The following PTPRG variants were observed in gnomAD, a reference collection of about 807,000 sequenced individuals.
PTPRG encodes receptor-type tyrosine-protein phosphatase gamma.
In PTPRG, 102 loss-of-function variants were observed where a neutral mutation model predicts 165.3. The observed-to-expected ratio is 0.62, with a 90% confidence interval of 0.53 to 0.73. The LOEUF (loss-of-function observed/expected upper bound fraction) is 0.73. Among genes scored for constraint, PTPRG ranks in the 30% least tolerant of loss-of-function variants. PTPRG has a pLI of 0.00. For missense variants in PTPRG, 1,866 were observed against 1,861.4 expected (o/e 1.00, Z -0.05); for synonymous variants, 675 against 669.5 (o/e 1.01, Z -0.13).
At chr3:61,818,093 A>AC (rs1245712022) in intron 2 of PTPRG, among the ~76,000 whole-genome samples, 1 of 152,030 alleles carries the variant, frequency 6.6e-6, no homozygotes, top group Non-Finnish European at 1.5e-5. Flanking sequence ...GCTCCACCAT[A>AC]CCCCCCACCC....
At chr3:62,134,125 A>G (rs916284564) in intron 6 of PTPRG, among the ~76,000 whole-genome samples, 1 of 152,160 alleles carries the variant, frequency 6.6e-6, no homozygotes, top group African/African-American at 2.4e-5. Context: ...CAACATAGGA[A>G]TTTGCTTAGG....
Position 62,269,173 on chromosome 3 carries a change from T to G in PTPRG, c.3009+4T>G. On this transcript the variant is annotated splice_donor_region_variant and intron_variant, in intron 20 of 29. Transcript: ENST00000474889. ...CAGAAATACAAAAGTGAAAAAGGTA[T>G]GGAAGGAATTGGGTAGGCTGCCAGG... The G allele has an allele frequency of 1.3e-6, 2 of 1,572,328 alleles. No individual in the cohort carries two copies. Among genetic ancestry groups the G allele is most frequent in the Non-Finnish European group, 1.7e-6 (2 of 1,149,738 alleles).
chr3:62,277,189 G>C (rs767626254), intron 25 of PTPRG, 141 bp downstream of exon 25: 142 of 711,432 alleles, frequency 2.0e-4, no homozygotes, highest in Middle Eastern at 3.2e-4. Flanking sequence ...TCTGTATCTT[G>C]AAACTTTTAA....
At chr3:61,892,952 C>T (rs998980158) in intron 2 of PTPRG, among the ~76,000 whole-genome samples, 1 of 152,064 alleles carries the variant, frequency 6.6e-6, no homozygotes, top group Non-Finnish European at 1.5e-5. Flanking sequence ...TGGTTAATAA[C>T]TAAAGAGTAG....
At chr3:62,250,855 G>A (rs1438434296) in intron 15 of PTPRG, among the ~76,000 whole-genome samples, 4 of 152,064 alleles carry the variant, frequency 2.6e-5, no homozygotes, top group Non-Finnish European at 5.9e-5. Flanking sequence ...TACATAAGAA[G>A]GTTTTGTTGT....
At chr3:62,007,413 C>T (rs2041323734) in intron 4 of PTPRG, among the ~76,000 whole-genome samples, 1 of 152,198 alleles carries the variant, frequency 6.6e-6, no homozygotes, top group Non-Finnish European at 1.5e-5. Flanking sequence ...TCTTCAATAA[C>T]CAGTGTTCTT....
intron 2 of PTPRG, among the ~76,000 whole-genome samples, chr3:61,939,488 A>G (rs973806932): frequency 6.6e-6 from 1 of 152,242 alleles, no homozygotes; most frequent in Non-Finnish European, 1.5e-5. Flanking sequence ...CCAGGCAAAT[A>G]CACAGAAACT....
intron 1 of PTPRG, among the ~76,000 whole-genome samples, chr3:61,663,172 A>C (rs1224235530): frequency 1.3e-5 from 2 of 152,182 alleles, no homozygotes; most frequent in Non-Finnish European, 2.9e-5. Context: ...TAAATAAAAA[A>C]TAAAATTAAA....
In PTPRG at chr3:62,203,569, G is replaced by C; in HGVS notation, c.1774G>C (p.Glu592Gln). Residue 592 changes from glutamate (E) to glutamine (Q), a missense_variant, in exon 12 of 30, where the codon GAG (glutamate) becomes CAG (glutamine). Coordinates refer to ENST00000474889, the MANE Select transcript of PTPRG (RefSeq NM_002841.4). The surrounding 1 kb of genome is among the most constrained non-coding windows in gnomAD (Gnocchi z 6.4). The part of the protein sequence containing the change: ...KDEKSESEDG[E>Q]REHEEDGEKD... ...TGAGAAAAGCGAGAGTGAGGATGGG[G>C]AGCGGGAGCACGAGGAGGATGGAGA... 1.3e-6 allele frequency: 2 copies of C among 1,552,774 alleles called. No individual in the cohort carries two copies. The highest frequency in any genetic ancestry group is 4.9e-5 in the East Asian group (2 of 40,964).
rs1194070424 is a variant in PTPRG, at chr3:62,203,807, T to G, written c.2012T>G (p.Val671Gly). The stretch of plus-strand genomic sequence containing the variant: ...GGCCCAGGCCTGGACCCCGACATGG[T>G]CACCTCCACCCAAGTGCCCCCCACC... ...DAGPGLDPDMVTSTQVPPTAT... is the reference protein window; with the variant it reads ...DAGPGLDPDMGTSTQVPPTAT... Residue 671 changes from valine to glycine, a missense_variant, in exon 12 of 30, where the codon GTC (valine) becomes GGC (glycine). Around this residue, in one of 3 missense-constraint regions of PTPRG, gnomAD observed 1,452 missense variants for 1,463.0 expected, o/e 0.99. Coordinates refer to ENST00000474889, the MANE Select transcript of PTPRG (RefSeq NM_002841.4). This position sits in a 1 kb window ranked among gnomAD's most constrained non-coding sequence, Gnocchi z 6.4. The G allele has an allele frequency of 1.2e-6, 2 of 1,613,668 alleles. No individual in the cohort carries two copies. The highest frequency in any genetic ancestry group is 2.7e-5 in the African/African-American group (2 of 74,900).
chr3:61,885,679 CTCCTCTCCT>C, intron 2 of PTPRG, among the ~76,000 whole-genome samples: 1 of 95,862 alleles, frequency 1.0e-5, no homozygotes, highest in East Asian at 3.1e-4. Flanking sequence ...CTCCTCTCCT[CTCCTCTCCT>C]CTCCTCTCCT....
At chr3:62,002,966 A>T (rs539505384) in intron 3 of PTPRG, among the ~76,000 whole-genome samples, 1 of 152,196 alleles carries the variant, frequency 6.6e-6, no homozygotes, top group African/African-American at 2.4e-5. Flanking sequence ...ATCTTGGGGT[A>T]GCCCCATGAA....
At chr3:61,743,169 T>G in intron 1 of PTPRG, 1 of 867,630 alleles carries the variant, frequency 1.2e-6, no homozygotes, top group African/African-American at 1.7e-5. Flanking sequence ...CTTTTTTTGC[T>G]TCGGGCTGGA....
At chr3:62,107,878 T>A (rs1391877661) in intron 5 of PTPRG, among the ~76,000 whole-genome samples, 2 of 152,218 alleles carry the variant, frequency 1.3e-5, no homozygotes, top group Non-Finnish European at 2.9e-5. Context: ...CCTTATAGAC[T>A]TTTTAGCATA....
intron 7 of PTPRG, among the ~76,000 whole-genome samples, chr3:62,162,383 T>A (rs1704801018): frequency 6.6e-6 from 1 of 152,254 alleles, no homozygotes; most frequent in South Asian, 2.1e-4. Flanking sequence ...TTCAAAAGTT[T>A]AAGAGTCAAT....
intron 7 of PTPRG, among the ~76,000 whole-genome samples, chr3:62,162,179 C>T (rs992521720): frequency 2.7e-5 from 4 of 150,706 alleles, no homozygotes; most frequent in Admixed American, 1.4e-4. Context: ...GCCTTTGATT[C>T]GAACCGACAG....
chr3:62,149,479 G>C (rs908004677), intron 6 of PTPRG, among the ~76,000 whole-genome samples: 2 of 152,140 alleles, frequency 1.3e-5, no homozygotes, highest in African/African-American at 4.8e-5. Flanking sequence ...AAGTTGGCCA[G>C]GTGGTTTCAA....
chr3:61,814,692 A>AT (rs1385614956), intron 2 of PTPRG, among the ~76,000 whole-genome samples: 2 of 151,688 alleles, frequency 1.3e-5, no homozygotes, highest in African/African-American at 4.8e-5. Context: ...AGTAACCTGT[A>AT]TAAAAACTTG....
At chr3:62,027,781 A>G (rs79626167) in intron 4 of PTPRG, among the ~76,000 whole-genome samples, 8,624 of 152,290 alleles carry the variant, frequency 0.057, 337 homozygotes, top group Middle Eastern at 0.14. Flanking sequence ...TTTTTAAAAA[A>G]AGGATTTGCT....
Sources: gnomAD v4.1 joint callset for allele counts (sites outside exome capture counted in the v4.1 genomes callset) on GRCh38, gnomAD v4.1.1 for gene constraint, gnomAD v4.1.1 regional missense constraint, Gnocchi (gnomAD v3.1) non-coding constraint, MANE v1.5 for transcripts, NCBI Gene and HGNC (gene_info 2026-07-23, HGNC 2026-07-21) for gene names.